The following ARHGAP12 variants were observed in gnomAD, a reference collection of about 807,000 sequenced individuals.
ARHGAP12 encodes Rho GTPase activating protein 12.
Under a neutral mutation model 108.6 loss-of-function variants are expected in ARHGAP12, and 64 were observed. The ratio of observed to expected loss-of-function variants is 0.59; its 90% CI spans 0.48 to 0.73. The LOEUF (loss-of-function observed/expected upper bound fraction) is 0.73. Among genes scored for constraint, ARHGAP12 ranks in the 30% least tolerant of loss-of-function variants. The pLI, the probability that ARHGAP12 is intolerant of heterozygous loss-of-function variation, is 0.00. For synonymous variants in ARHGAP12, 312 were observed against 337.2 expected, an observed-to-expected ratio of 0.93 and a Z score of 0.82; for missense variants, 940 against 1,005.9, an observed-to-expected ratio of 0.93 and a Z score of 0.89.
chr10:31,912,413 GACA>G (rs771437776), intron 1 of ARHGAP12, among the ~76,000 whole-genome samples: 5 of 152,144 alleles, frequency 3.3e-5, no homozygotes, highest in Non-Finnish European at 7.4e-5. Flanking sequence ...TGGGGCTGGG[GACA>G]ACAATGAGTT....
chr10:31,863,073 C>T (rs1393600191), intron 3 of ARHGAP12, among the ~76,000 whole-genome samples: 1 of 152,244 alleles, frequency 6.6e-6, no homozygotes, highest in Non-Finnish European at 1.5e-5. Flanking sequence ...AACACAAATA[C>T]ATGTTTGTGA....
intron 3 of ARHGAP12, among the ~76,000 whole-genome samples, chr10:31,894,895 A>G (rs1041292025): frequency 1.3e-5 from 2 of 152,224 alleles, no homozygotes; most frequent in African/African-American, 2.4e-5. Context: ...TGGTACCAAA[A>G]CAGAGATACA....
chr10:31,905,590 G>A (rs933608527), intron 3 of ARHGAP12, among the ~76,000 whole-genome samples: 12 of 152,124 alleles, frequency 7.9e-5, no homozygotes, highest in Admixed American at 2.0e-4. Context: ...ATGCTCAGAC[G>A]GGAAGGAGGA....
intron 9 of ARHGAP12, among the ~76,000 whole-genome samples, chr10:31,838,256 TGA>T (rs1430731981): frequency 2.0e-5 from 3 of 151,944 alleles, no homozygotes; most frequent in Non-Finnish European, 2.9e-5. Context: ...TTTGAGGAAC[TGA>T]GAGAAGGGTG....
intron 13 of ARHGAP12, among the ~76,000 whole-genome samples, chr10:31,816,111 A>G (rs974618467): frequency 1.3e-5 from 2 of 151,504 alleles, no homozygotes; most frequent in Non-Finnish European, 1.5e-5. Context: ...AGATCATGCC[A>G]TTGCACTCCA....
intron 9 of ARHGAP12, among the ~76,000 whole-genome samples, chr10:31,837,510 G>C (rs1032277489): frequency 1.3e-5 from 2 of 152,198 alleles, no homozygotes; most frequent in Admixed American, 1.3e-4. Flanking sequence ...TGAGAGTTCA[G>C]ATAAAGAAGA....
intron 18 of ARHGAP12, 76 bp from the exon 19 acceptor site, chr10:31,808,827 G>T: frequency 6.7e-7 from 1 of 1,496,150 alleles, no homozygotes; most frequent in Non-Finnish European, 9.3e-7. Context: ...TTTGGAAGCT[G>T]ATATTTGGTA....
At chr10:31,810,842 T>A in intron 15 of ARHGAP12, 95 bp from the exon 16 acceptor site, 1 of 899,384 alleles carries the variant, frequency 1.1e-6, no homozygotes, top group Non-Finnish European at 1.8e-6. Context: ...ACATCCAGCG[T>A]AACCAAATAT....
At chr10:31,868,852 C>A (rs1837432387) in intron 3 of ARHGAP12, among the ~76,000 whole-genome samples, 1 of 151,640 alleles carries the variant, frequency 6.6e-6, no homozygotes, top group Non-Finnish European at 1.5e-5. Context: ...TGACTTGAGC[C>A]CAGGAGGTCA....
chr10:31,913,110 C>CT (rs1839420365), intron 1 of ARHGAP12: 1 of 152,374 alleles, frequency 6.6e-6, no homozygotes, highest in Non-Finnish European at 1.5e-5. Context: ...CTGAGCAACT[C>CT]TATGCCTTGA....
intron 9 of ARHGAP12, among the ~76,000 whole-genome samples, chr10:31,838,830 C>CAAA (rs34471173): frequency 1.1e-4 from 11 of 102,716 alleles, no homozygotes; most frequent in Non-Finnish European, 1.8e-4. Flanking sequence ...GGCTCCATCT[C>CAAA]AAAAAAAAAA....
At chr10:31,895,568 C>T (rs976909996) in intron 3 of ARHGAP12, among the ~76,000 whole-genome samples, 9 of 152,182 alleles carry the variant, frequency 5.9e-5, no homozygotes, top group Admixed American at 2.0e-4. Context: ...GTTAGAATGG[C>T]GATCATTAAA....
intron 3 of ARHGAP12, among the ~76,000 whole-genome samples, chr10:31,887,661 G>GTTTT (rs574894424): frequency 3.6e-4 from 47 of 130,404 alleles, no homozygotes; most frequent in African/African-American, 1.4e-3. Context: ...TTTTTTTTTT[G>GTTTT]TTTTTTTTTT....
chr10:31,817,876 C>T lies in ARHGAP12; in HGVS notation c.1643G>A (p.Arg548His), dbSNP rs369473115. 6.1e-5 allele frequency: 99 copies of T among 1,610,232 alleles called. No homozygotes were observed. The highest frequency in any genetic ancestry group is 7.3e-5 in the Non-Finnish European group (86 of 1,178,700). The change falls in exon 13 of 20, where the codon CGT becomes CAT. Residue 548 changes from arginine (R) to histidine (H), a missense_variant. Arg to His is a conservative substitution (Grantham distance 29). Transcript: ENST00000344936. ...SKKNVFELKT[R>H]QGTELLIQSD... ...CTGAATTAGCAGTTCTGTTCCTTGA[C>T]GAGTTTTCAGCTTTAGAGAAAAGCA...
rs1366937925 is a variant in ARHGAP12 at position 31,812,808 on chromosome 10, C to G, written c.1850G>C (p.Ser617Thr). The G allele has an allele frequency of 6.3e-7, 1 of 1,584,692 alleles. No homozygotes were observed. Among genetic ancestry groups the G allele is most frequent in the African/African-American group, 1.4e-5 (1 of 73,716 alleles). The change falls in exon 15 of 20, where the codon AGC (serine) becomes ACC (threonine). Residue 617 changes from serine (S) to threonine (T), a missense_variant. Coordinates refer to ENST00000344936, the MANE Select transcript of ARHGAP12 (RefSeq NM_018287.7). ...TTTTTTCTGTTCTGAAGAATCTATGCTAGATACTTTAAAGGCTTAAGACAA... is the reference window on the plus strand; with the variant it reads ...TTTTTTCTGTTCTGAAGAATCTATGGTAGATACTTTAAAGGCTTAAGACAA... Reference protein sequence around the residue: ...PKKLRSFKVSSIDSSEQKKTK... With the variant: ...PKKLRSFKVSTIDSSEQKKTK...
Position 31,833,334 on chromosome 10 carries a change from T to TAA in ARHGAP12, c.1387-1536_1387-1535dup, listed in dbSNP as rs1554776366. ...AAAAATGCCACAGCTGAATTTGTATTAAAAAAAAAAAAAAGCAGAGGCAGG... is the reference window on the plus strand; with the variant it reads ...AAAAATGCCACAGCTGAATTTGTATTAAAAAAAAAAAAAAAAGCAGAGGCAGG... On this transcript the variant is annotated intron_variant, in intron 9 of 19. Transcript: ENST00000344936. Among the ~76,000 whole-genome samples the TAA allele has an allele frequency of 2.6e-4, 36 of 137,730 alleles. No homozygotes were observed. The South Asian group carries it at 7.8e-3, about 30-fold the overall frequency. The allele number at this position is 137,730 out of a possible 152,430, so 90.4% of individuals were successfully genotyped here.
Position 31,805,981 on chromosome 10 carries a change from G to T in ARHGAP12, c.*1677C>A, listed in dbSNP as rs1353230631. 6.6e-6 allele frequency: 1 copy of T among 152,102 alleles called. No homozygotes were observed. The highest frequency in any genetic ancestry group is 1.5e-5 in the Non-Finnish European group (1 of 68,014). 9.4% of individuals were successfully genotyped at this position (152,102 alleles called of 1,614,324 possible). A position where few individuals can be genotyped will look rare whatever the true frequency, so the allele number is the denominator to read the frequency against. ...TACAGACTTTCTACCACAAAATTCA[G>T]GTGAGAGGTTTTTAGACAGATCATA... is the stretch of plus-strand genomic sequence containing the variant. On this transcript the variant is annotated 3_prime_UTR_variant, in exon 20 of 20. Transcript: ENST00000344936.
chr10:31,922,930 C>A (rs887475201), intron 1 of ARHGAP12, among the ~76,000 whole-genome samples: 24 of 152,006 alleles, frequency 1.6e-4, no homozygotes, highest in African/African-American at 5.8e-4. Flanking sequence ...GAGTTCAAAA[C>A]CAACCTGGAC....
chr10:31,839,356 T>C (rs376996092), intron 8 of ARHGAP12, 37 bp from the exon 9 acceptor site: 2 of 1,581,754 alleles, frequency 1.3e-6, no homozygotes, highest in South Asian at 1.2e-5. Context: ...TGTCATAGTA[T>C]TGTCTGGGAA....
Sources: allele counts gnomAD v4.1 joint callset (sites outside exome capture counted in the v4.1 genomes callset), GRCh38; gene constraint gnomAD v4.1.1; transcripts MANE v1.5; gene names NCBI Gene and HGNC (gene_info 2026-07-23, HGNC 2026-07-21).